PTPA: variants seen among roughly 807,000 people sequenced by gnomAD.
The protein encoded by PTPA is serine/threonine-protein phosphatase 2A activator.
PTPA carries 13 observed loss-of-function variants against 43.6 expected under a neutral mutation model. The observed-to-expected ratio is 0.30, with a 90% CI of 0.19 to 0.47. PTPA has a LOEUF of 0.47. Among genes scored for constraint, PTPA ranks in the 20% least tolerant of loss-of-function variants. PTPA has a pLI of 0.99. For missense variants in PTPA, 329 were observed against 411.9 expected, an observed-to-expected ratio of 0.80 and a Z score of 1.74; for synonymous variants, 172 against 158.2, an observed-to-expected ratio of 1.09 and a Z score of -0.66.
intron 9 of PTPA, among the ~76,000 whole-genome samples, chr9:129,144,649 G>GA (rs1851168981): frequency 6.6e-6 from 1 of 151,466 alleles, no homozygotes; most frequent in Non-Finnish European, 1.5e-5. Context: ...AGAGGCAGGA[G>GA]AATGGCGTGA....
rs1850951041 is a variant in PTPA, at chr9:129,142,499, G to A, written c.841G>A (p.Val281Ile). 2.5e-6 allele frequency: 4 copies of A among 1,612,490 alleles called. No individual in the cohort carries two copies. Among genetic ancestry groups the A allele is most frequent in the Non-Finnish European group, 3.4e-6 (4 of 1,178,814 alleles). ...CAACCAGCTGTGGAACATCAGCGCC[G>A]TCCCTTCCTGGTCCAAAGTGAACCA... is the stretch of plus-strand genomic sequence containing the variant. ...HSNQLWNISA[V>I]PSWSKVNQGL... Residue 281 changes from valine (V) to isoleucine (I), a missense_variant, in exon 9 of 10, where the codon GTC becomes ATC. Physicochemically the swap from Val to Ile is conservative, Grantham distance 29. Coordinates refer to ENST00000393370, the MANE Select transcript of PTPA (RefSeq NM_178000.3).
At chr9:129,143,352 A>G (rs1293064301) in intron 9 of PTPA, 1 of 703,050 alleles carries the variant, frequency 1.4e-6, no homozygotes, top group Admixed American at 2.0e-5. Context: ...TGGGTCCTTA[A>G]AGTCCCTTCT....
intron 6 of PTPA, 139 bp from the exon 7 acceptor site, chr9:129,136,331 TA>T: frequency 1.0e-6 from 1 of 1,000,228 alleles, no homozygotes; most frequent in Non-Finnish European, 1.4e-6. Context: ...TTGGGGGAAA[TA>T]AAGCTACATT....
chr9:129,147,299 G>A, intron 9 of PTPA, 88 bp from the exon 10 acceptor site: 1 of 1,359,126 alleles, frequency 7.4e-7, no homozygotes, highest in Non-Finnish European at 1.0e-6. Flanking sequence ...GCCCGGGATG[G>A]ACACCTGGGA....
At chr9:129,129,554 C>A (rs1281135136) in intron 4 of PTPA, among the ~76,000 whole-genome samples, 2 of 151,826 alleles carry the variant, frequency 1.3e-5, no homozygotes, top group African/African-American at 4.8e-5. Flanking sequence ...ACTGCAAGCT[C>A]CACCTCCTGG....
At chr9:129,131,900 C>CT (rs1004252819) in intron 5 of PTPA, among the ~76,000 whole-genome samples, 4 of 152,190 alleles carry the variant, frequency 2.6e-5, no homozygotes, top group African/African-American at 4.8e-5. Flanking sequence ...CGCAGCGCTG[C>CT]TTTCTGTTCT....
At chr9:129,122,723 C>T (rs1028560976) in intron 2 of PTPA, among the ~76,000 whole-genome samples, 2 of 152,176 alleles carry the variant, frequency 1.3e-5, no homozygotes, top group African/African-American at 4.8e-5. Context: ...CTCTTGAAAT[C>T]TTGGTTTCCT....
At chr9:129,145,878 G>C (rs936682890) in intron 9 of PTPA, among the ~76,000 whole-genome samples, 2 of 152,138 alleles carry the variant, frequency 1.3e-5, no homozygotes, top group African/African-American at 4.8e-5. Flanking sequence ...CTCCGCCCAG[G>C]TACATGGGAG....
intron 9 of PTPA, among the ~76,000 whole-genome samples, chr9:129,144,771 G>T (rs1851184346): frequency 6.8e-6 from 1 of 146,706 alleles, no homozygotes; most frequent in South Asian, 2.1e-4. Context: ...CCAAGTCTTT[G>T]CCTGTAATCC....
chr9:129,142,181 G>A (rs1850906800), intron 8 of PTPA: 1 of 384,230 alleles, frequency 2.6e-6, no homozygotes, highest in Admixed American at 4.5e-5. Flanking sequence ...ACTGCGGGTA[G>A]GTGGGCAAGG....
intron 2 of PTPA, among the ~76,000 whole-genome samples, chr9:129,122,310 C>T (rs1849299087): frequency 1.3e-5 from 2 of 152,112 alleles, no homozygotes; most frequent in South Asian, 4.1e-4. Flanking sequence ...ACTATGTTGC[C>T]CAGGCTGGTC....
intron 1 of PTPA, among the ~76,000 whole-genome samples, chr9:129,117,726 C>G (rs1025005237): frequency 6.9e-6 from 1 of 143,904 alleles, no homozygotes; most frequent in African/African-American, 2.6e-5. Context: ...TTAAGACAGT[C>G]TCACTCTGTC....
chr9:129,113,288 C>T (rs1191240287), intron 1 of PTPA, among the ~76,000 whole-genome samples: 1 of 151,744 alleles, frequency 6.6e-6, no homozygotes, highest in Non-Finnish European at 1.5e-5. Flanking sequence ...GACAGGGTTT[C>T]ACCATATTGG....
rs1850385406 is a variant in PTPA at position 129,136,603 on chromosome 9, A to T, written c.685+8A>T. On this transcript the variant is annotated splice_region_variant and intron_variant, in intron 7 of 9. Coordinates refer to ENST00000393370, the MANE Select transcript of PTPA (RefSeq NM_178000.3). ...GCAGTTCGCAGCTGATAGGTACTAG[A>T]GCGGGAGGTGCCTATCCCTCCACCC... is the stretch of plus-strand genomic sequence containing the variant. 6.2e-7 allele frequency: 1 copy of T among 1,605,788 alleles called. No individual in the cohort carries two copies. Among genetic ancestry groups the T allele is most frequent in the African/African-American group, 1.3e-5 (1 of 74,668 alleles).
At chr9:129,120,168 G>C (rs551284060) in intron 1 of PTPA, among the ~76,000 whole-genome samples, 13 of 152,216 alleles carry the variant, frequency 8.5e-5, no homozygotes, top group Non-Finnish European at 1.8e-4. Flanking sequence ...TGAGGCAGGA[G>C]AATCGCTTGA....
Position 129,140,945 on chromosome 9 carries a change from G to T in PTPA, c.787-1500G>T, listed in dbSNP as rs1036002508. Among the ~76,000 whole-genome samples, 7 of 152,220 alleles carry T rather than the reference G, an allele frequency of 4.6e-5. No individual in the cohort carries two copies. In the East Asian group the frequency reaches 1.4e-3, roughly 29 times the overall value. ...AGCCTGGGGTGATTCTGAGTGAAGC[G>T]AGTGGTCCAAGACAAGGCCCCCAGG... On this transcript the variant is annotated intron_variant, in intron 8 of 9. Coordinates refer to ENST00000393370, the MANE Select transcript of PTPA (RefSeq NM_178000.3).
Position 129,144,380 on chromosome 9 carries a change from C to T in PTPA, c.894+1828C>T, listed in dbSNP as rs373500813. ...GGGAGATTCTAGCCCTAGTTGAGGC[C>T]GGCGCTGTGTGGGGAAGGGGACAGG... On this transcript the variant is annotated intron_variant, in intron 9 of 9. Transcript: ENST00000393370. 7.2e-5 allele frequency among the ~76,000 whole-genome samples: 11 copies of T among 152,046 alleles called. No homozygotes were observed. In the East Asian group the frequency reaches 1.9e-3, roughly 27 times the overall value.
At chr9:129,145,331 GAAA>G (rs758902038) in intron 9 of PTPA, among the ~76,000 whole-genome samples, 2 of 133,382 alleles carry the variant, frequency 1.5e-5, no homozygotes, top group Admixed American at 7.5e-5. Flanking sequence ...TCCATCTCAG[GAAA>G]AAAAAAAAAA....
intron 9 of PTPA, among the ~76,000 whole-genome samples, chr9:129,145,955 C>A (rs1490964493): frequency 6.6e-6 from 1 of 152,126 alleles, no homozygotes; most frequent in Non-Finnish European, 1.5e-5. Context: ...TTCCTTGGCC[C>A]AGCTCCTGTG....
Sources: allele counts gnomAD v4.1 joint callset (sites outside exome capture counted in the v4.1 genomes callset), GRCh38; gene constraint gnomAD v4.1.1; transcripts MANE v1.5; gene names NCBI Gene and HGNC (gene_info 2026-07-23, HGNC 2026-07-21).